The following SYN1 variants were observed in gnomAD, a reference collection of about 807,000 sequenced individuals.
The protein encoded by SYN1 is synapsin-1.
SYN1 carries 8 observed loss-of-function variants against 44.6 expected under a neutral mutation model. That is an observed-to-expected ratio of 0.18 (90% CI 0.11 to 0.32). SYN1 has a LOEUF of 0.32. Among genes scored for constraint, SYN1 ranks in the 10% least tolerant of loss-of-function variants. The pLI, the probability that SYN1 is intolerant of heterozygous loss-of-function variation, is 1.00. For synonymous variants in SYN1, 275 were observed against 280.1 expected, an observed-to-expected ratio of 0.98 and a Z score of 0.18; for missense variants, 451 against 639.4, an observed-to-expected ratio of 0.71 and a Z score of 3.18.
chrX:47,605,512 G>C, intron 3 of SYN1, 133 bp from the exon 4 acceptor site: 2 of 799,883 alleles, frequency 2.5e-6, no homozygotes, highest in Non-Finnish European at 3.6e-6. Context: ...GCACACATGT[G>C]TGAGCTGTTC....
chrX:47,602,513 G>T (rs1413506765), intron 5 of SYN1, among the ~76,000 whole-genome samples: 1 of 110,787 alleles, frequency 9.0e-6, no homozygotes, highest in Non-Finnish European at 1.9e-5. Context: ...GTGGTGGCAC[G>T]CACCTGTAGT....
intron 6 of SYN1, 102 bp from the exon 7 acceptor site, chrX:47,576,742 G>A (rs1182306206): frequency 1.9e-6 from 2 of 1,075,182 alleles, no homozygotes; most frequent in Non-Finnish European, 2.5e-6. Flanking sequence ...CAGGTGAGGC[G>A]AGTACACAAA....
At chrX:47,580,359 C>T (rs2057792847) in intron 5 of SYN1, among the ~76,000 whole-genome samples, 2 of 108,414 alleles carry the variant, frequency 1.8e-5, no homozygotes, top group East Asian at 3.0e-4. Context: ...GGCTGGGTGC[C>T]GTAGCTCACG....
At chrX:47,607,504 T>C (rs187457538) in intron 1 of SYN1, among the ~76,000 whole-genome samples, 3 of 110,908 alleles carry the variant, frequency 2.7e-5, no homozygotes, top group African/African-American at 9.8e-5. Context: ...TAAAAAAACT[T>C]CACAAAATTA....
chrX:47,594,852 C>T (rs1420875908), intron 5 of SYN1, among the ~76,000 whole-genome samples: 2 of 110,368 alleles, frequency 1.8e-5, no homozygotes, highest in Non-Finnish European at 3.8e-5. Flanking sequence ...CTCAGCCGCT[C>T]GAGTAGCTGG....
intron 1 of SYN1, among the ~76,000 whole-genome samples, chrX:47,611,325 G>A (rs1326055350): frequency 1.8e-5 from 2 of 111,600 alleles, no homozygotes; most frequent in Non-Finnish European, 3.8e-5. Flanking sequence ...CCATCGAGTT[G>A]AGCAGTCTGG....
At chrX:47,578,597 G>A (rs2057785263) in intron 5 of SYN1, among the ~76,000 whole-genome samples, 1 of 111,713 alleles carries the variant, frequency 9.0e-6, no homozygotes, top group Non-Finnish European at 1.9e-5. Context: ...CACACATACA[G>A]TCACACATTC....
chrX:47,585,027 C>T (rs1275037504), intron 5 of SYN1: 1 of 1,206,808 alleles, frequency 8.3e-7, no homozygotes, highest in Admixed American at 2.2e-5. Context: ...TATCCCCTGC[C>T]CCCGCCTCTT....
In SYN1 at chrX:47,618,022, T is replaced by C. The variant is rs147945355; in HGVS notation, c.377+1330A>G. Among the ~76,000 whole-genome samples, 871 of 111,631 alleles carry C rather than the reference T, an allele frequency of 7.8e-3. 14 individuals are homozygous for C. The highest frequency in any genetic ancestry group is 0.075 in the East Asian group (263 of 3,526). On this transcript the variant is annotated intron_variant, in intron 1 of 12. Coordinates refer to ENST00000295987, the MANE Select transcript of SYN1 (RefSeq NM_006950.3). ...CTATGGGAGCTCGATTCTTCATCCATAGGAGAAAAGGCTTTTGTGAAGAAG... is the reference window on the plus strand; with the variant it reads ...CTATGGGAGCTCGATTCTTCATCCACAGGAGAAAAGGCTTTTGTGAAGAAG...
At position 47,604,488 on chromosome X, in the gene SYN1, T is replaced by C. The variant is rs189977039; in HGVS notation, c.774+490A>G. Among the ~76,000 whole-genome samples, 1,011 of 110,332 alleles carry C rather than the reference T, an allele frequency of 9.2e-3. 17 individuals carry two copies. Among genetic ancestry groups the C allele is most frequent in the African/African-American group, 0.032 (966 of 30,298 alleles). On this transcript the variant is annotated intron_variant, in intron 5 of 12. Coordinates refer to ENST00000295987, the MANE Select transcript of SYN1 (RefSeq NM_006950.3). Reference sequence around the variant, plus strand: ...GGCTGGTCTTGATCTCCTGACCTCATGATCTGCTCACCTCAGCCTCTCAAA... The same window carrying C: ...GGCTGGTCTTGATCTCCTGACCTCACGATCTGCTCACCTCAGCCTCTCAAA...
At chrX:47,575,388 A>G in intron 9 of SYN1, 114 bp from the exon 10 acceptor site, 2 of 913,632 alleles carry the variant, frequency 2.2e-6, no homozygotes, top group Non-Finnish European at 1.5e-6. Flanking sequence ...CCAGTGTCTG[A>G]GGCACTGATT....
intron 5 of SYN1, chrX:47,587,507 C>T (rs2057831443): frequency 8.8e-6 from 1 of 113,087 alleles, no homozygotes; most frequent in African/African-American, 3.3e-5. Flanking sequence ...CTTCTCCCCT[C>T]ACTCCTCTGA....
intron 5 of SYN1, among the ~76,000 whole-genome samples, chrX:47,593,237 T>G (rs2057853701): frequency 9.2e-6 from 1 of 108,663 alleles, no homozygotes; most frequent in South Asian, 3.9e-4. Context: ...TATTTAGGAT[T>G]TTTGCATTGA....
At chrX:47,581,243 T>C (rs1203237508) in intron 5 of SYN1, among the ~76,000 whole-genome samples, 3 of 112,392 alleles carry the variant, frequency 2.7e-5, no homozygotes, top group East Asian at 2.8e-4. Context: ...CTTTAGCACA[T>C]AGTACACAGA....
At chrX:47,588,665 C>T (rs774838087) in intron 5 of SYN1, among the ~76,000 whole-genome samples, 7 of 112,070 alleles carry the variant, frequency 6.2e-5, no homozygotes, top group Non-Finnish European at 1.1e-4. Context: ...ACCCTGGGCT[C>T]ATTACATCCC....
In SYN1 at chrX:47,576,321, G is replaced by A. The variant is rs377745840; in HGVS notation, c.1055+11C>T. 14 of 1,209,689 alleles carry A rather than the reference G, an allele frequency of 1.2e-5. No homozygotes were observed. Among genetic ancestry groups the A allele is most frequent in the African/African-American group, 8.7e-5 (5 of 57,256 alleles). On this transcript the variant is annotated intron_variant, in intron 8 of 12. Coordinates refer to ENST00000295987, the MANE Select transcript of SYN1 (RefSeq NM_006950.3). ...CCGCTTCCCCTCACACCCTGAGTTC[G>A]GGCTGCCCACCTGTCAGACATGGCA...
chrX:47,611,086 G>A (rs751313985), intron 1 of SYN1, among the ~76,000 whole-genome samples: 47 of 111,375 alleles, frequency 4.2e-4, no homozygotes, highest in Non-Finnish European at 8.1e-4. Context: ...TAATTGCAAT[G>A]GCATACTTTG....
At position 47,604,803 on chromosome X, in the gene SYN1, C is replaced by T; in HGVS notation, c.774+175G>A. ...TTAGAATGGATCATGATTTAGTTTT[C>T]CTTGTAAGCATAAGGAAATTCACGG... On this transcript the variant is annotated intron_variant, in intron 5 of 12. Transcript: ENST00000295987. 1.0e-5 allele frequency: 5 copies of T among 486,072 alleles called. No homozygotes were observed. In the South Asian group the frequency reaches 1.4e-4, roughly 14 times the overall value. 40.1% of individuals were successfully genotyped at this position (486,072 alleles called of 1,213,427 possible). A position where few individuals can be genotyped will look rare whatever the true frequency, so the allele number is the denominator to read the frequency against.
At chrX:47,581,681 A>G (rs2057798819) in intron 5 of SYN1, among the ~76,000 whole-genome samples, 1 of 112,284 alleles carries the variant, frequency 8.9e-6, no homozygotes, top group South Asian at 3.7e-4. Flanking sequence ...TAAAACGGGA[A>G]TAAGAACCGG....
Sources: gnomAD v4.1 joint callset for allele counts (sites outside exome capture counted in the v4.1 genomes callset) on GRCh38, gnomAD v4.1.1 for gene constraint, MANE v1.5 for transcripts, NCBI Gene and HGNC (gene_info 2026-07-23, HGNC 2026-07-21) for gene names.